The following SLCO4A1 variants were observed in gnomAD, a reference collection of about 807,000 sequenced individuals.
SLCO4A1 encodes the protein solute carrier organic anion transporter family member 4A1.
A neutral mutation model predicts 64.6 loss-of-function variants in SLCO4A1; 51 were observed. The ratio of observed to expected loss-of-function variants is 0.79; its 90% confidence interval spans 0.63 to 1.00. The LOEUF (loss-of-function observed/expected upper bound fraction) is 1.00, where lower values mean the gene tolerates loss of function less well. Ranked by LOEUF, SLCO4A1 falls within the 50% of genes least tolerant of loss-of-function variation. The pLI, the probability that SLCO4A1 is intolerant of heterozygous loss-of-function variation, is 0.00. For synonymous variants in SLCO4A1, 471 were observed against 444.9 expected, an observed-to-expected ratio of 1.06 and a Z score of -0.74; for missense variants, 919 against 980.5, an observed-to-expected ratio of 0.94 and a Z score of 0.84.
At chr20:62,665,372 G>A (rs753344741) in intron 6 of SLCO4A1, 64 of 386,688 alleles carry the variant, frequency 1.7e-4, no homozygotes, top group Middle Eastern at 6.9e-4. Flanking sequence ...CTGTGACTTG[G>A]TGCAGGAAGG....
At chr20:62,655,273 T>C (rs866876226) in intron 1 of SLCO4A1, among the ~76,000 whole-genome samples, 429 of 118,196 alleles carry the variant, frequency 3.6e-3, no homozygotes, top group African/African-American at 0.013. Context: ...ACAGGTGTTC[T>C]GTATCACAGC....
Position 62,664,916 on chromosome 20 carries a change from A to G in SLCO4A1, c.1122-18A>G, listed in dbSNP as rs2277774. ...CTCTGACCCTCAGTCTCTTCTCCAC[A>G]CCCCCACCTCTGCCCAGCTCCATCT... On this transcript the variant is annotated intron_variant, in intron 5 of 11. Coordinates refer to ENST00000217159, the MANE Select transcript of SLCO4A1 (RefSeq NM_016354.4). 27,281 of 1,472,554 alleles carry G rather than the reference A, an allele frequency of 0.019. 740 individuals carry two copies. Among genetic ancestry groups the G allele is most frequent in the East Asian group, 0.052 (2,198 of 42,426 alleles). 91.2% of individuals were successfully genotyped at this position (1,472,554 alleles called of 1,614,324 possible). A position where few individuals can be genotyped will look rare whatever the true frequency, so the allele number is the denominator to read the frequency against.
Position 62,685,571 on chromosome 20 carries a change from G to A in SLCO4A1, n.342G>A. 2.2e-6 allele frequency: 1 copy of A among 459,662 alleles called. No homozygotes were observed. Among genetic ancestry groups the A allele is most frequent in the Non-Finnish European group, 2.9e-6 (1 of 349,416 alleles). 28.5% of individuals were successfully genotyped at this position (459,662 alleles called of 1,614,324 possible). On this transcript the variant is annotated non_coding_transcript_exon_variant, in exon 3 of 3. Transcript: ENST00000466818. This position sits in a 1 kb window ranked among gnomAD's most constrained non-coding sequence, Gnocchi z 4.6. ...CTTTCTGACAACGTCTTCCAGAGCA[G>A]GCTTTCTCTAGAGGGTGGACTGCCT...
At chr20:62,648,383 T>A (rs1380670897) in intron 1 of SLCO4A1, among the ~76,000 whole-genome samples, 1 of 152,194 alleles carries the variant, frequency 6.6e-6, no homozygotes, top group East Asian at 1.9e-4. Context: ...GGTGAGTGGG[T>A]GCCCTGGGGC....
intron 1 of SLCO4A1, among the ~76,000 whole-genome samples, chr20:62,646,119 C>T (rs1331959181): frequency 3.3e-5 from 5 of 152,172 alleles, no homozygotes; most frequent in Non-Finnish European, 7.3e-5. Flanking sequence ...CCCCGAGGGC[C>T]CTTCTGGGTC....
downstream of SLCO4A1, among the ~76,000 whole-genome samples, chr20:62,673,624 G>A (rs140217492): frequency 2.1e-5 from 3 of 144,352 alleles, no homozygotes; most frequent in Non-Finnish European, 3.2e-5. Context: ...CCACCTTCTC[G>A]CCACTCTTCT....
chr20:62,648,207 G>C (rs1457376654), intron 1 of SLCO4A1, among the ~76,000 whole-genome samples: 1 of 152,274 alleles, frequency 6.6e-6, no homozygotes, highest in Non-Finnish European at 1.5e-5. Flanking sequence ...CAGGGACAGG[G>C]CCTGAGGGGG....
intron 1 of SLCO4A1, among the ~76,000 whole-genome samples, 175 bp from the exon 2 acceptor site, chr20:62,656,184 A>G (rs1983679295): frequency 6.6e-6 from 1 of 152,226 alleles, no homozygotes; most frequent in Non-Finnish European, 1.5e-5. Flanking sequence ...TGGCTGGGAG[A>G]CACAGTGCCT....
intron 1 of SLCO4A1, among the ~76,000 whole-genome samples, chr20:62,654,303 G>A (rs931660046): frequency 9.9e-5 from 15 of 152,198 alleles, no homozygotes; most frequent in Non-Finnish European, 1.8e-4. Flanking sequence ...CAGATCACTT[G>A]TCACATCTGC....
intron 2 of SLCO4A1, among the ~76,000 whole-genome samples, chr20:62,680,425 C>T (rs1460421964): frequency 2.0e-5 from 3 of 152,218 alleles, no homozygotes; most frequent in East Asian, 3.8e-4. Context: ...AGAAGGCATC[C>T]TTTACCTGTT....
At chr20:62,689,128 T>A (rs1369738461), downstream of SLCO4A1, among the ~76,000 whole-genome samples, 1 of 152,230 alleles carries the variant, frequency 6.6e-6, no homozygotes, top group Non-Finnish European at 1.5e-5. Flanking sequence ...CATCCCATTT[T>A]TCCCTGGCCT....
At chr20:62,679,054 A>G (rs1165451054) in intron 2 of SLCO4A1, among the ~76,000 whole-genome samples, 2 of 152,182 alleles carry the variant, frequency 1.3e-5, no homozygotes, top group East Asian at 1.9e-4. Context: ...CCCCATCTCT[A>G]CTGAAAATAC....
intron 3 of SLCO4A1, 56 bp downstream of exon 3, chr20:62,658,823 G>C: frequency 2.1e-6 from 3 of 1,442,306 alleles, no homozygotes; most frequent in Middle Eastern, 1.7e-4. Flanking sequence ...GTCTCTGGAA[G>C]GGGGTTCAGA....
chr20:62,666,896 GGTCTCTCGGTGACATAAAAAGT>G (rs1986449661), intron 7 of SLCO4A1, among the ~76,000 whole-genome samples: 1 of 152,212 alleles, frequency 6.6e-6, no homozygotes, highest in Admixed American at 6.5e-5. Flanking sequence ...CCTTGAGGCT[GGTCTCTCGGTGACATAAAAAGT>G]GTCCCAGGAT....
intron 1 of SLCO4A1, among the ~76,000 whole-genome samples, chr20:62,653,525 G>A (rs148584652): frequency 0.011 from 1,634 of 152,334 alleles, 29 homozygotes; most frequent in African/African-American, 0.036. Flanking sequence ...GGCCTGTCCC[G>A]GGGCTGGTTC....
intron 7 of SLCO4A1, chr20:62,666,826 G>C (rs914551971): frequency 1.9e-6 from 1 of 537,708 alleles, no homozygotes; most frequent in Non-Finnish European, 3.4e-6. Context: ...TGCCTCTCTG[G>C]GCCTCAGCAC....
intron 7 of SLCO4A1, chr20:62,666,800 C>T (rs1348572647): frequency 1.4e-5 from 8 of 571,846 alleles, no homozygotes; most frequent in East Asian, 5.8e-5. Flanking sequence ...CCCGGCTGTG[C>T]CCCCGGGCAG....
intron 5 of SLCO4A1, among the ~76,000 whole-genome samples, chr20:62,664,042 C>T (rs565361282): frequency 9.9e-5 from 15 of 152,144 alleles, no homozygotes; most frequent in South Asian, 2.1e-4. Context: ...GCACTGCTGT[C>T]GGCCACCTCC....
chr20:62,685,351 C>T lies in SLCO4A1; in HGVS notation n.212-90C>T. ...GCTGGTCGGTGCCCAAGGGTGGGTT[C>T]GTGGGGCAACTGCACCCGCTCCCTT... On this transcript the variant is annotated intron_variant and non_coding_transcript_variant, in intron 2 of 2. Transcript: ENST00000466818. This position sits in a 1 kb window ranked among gnomAD's most constrained non-coding sequence, Gnocchi z 4.6. 2 of 676,128 alleles carry T rather than the reference C, an allele frequency of 3.0e-6. No homozygotes were observed. The highest frequency in any genetic ancestry group is 1.8e-6 in the Non-Finnish European group (1 of 547,280). The allele number at this position is 676,128 out of a possible 1,614,324, so 41.9% of individuals were successfully genotyped here.
Sources: gnomAD v4.1 joint callset for allele counts (sites outside exome capture counted in the v4.1 genomes callset) on GRCh38, gnomAD v4.1.1 for gene constraint, Gnocchi (gnomAD v3.1) non-coding constraint, MANE v1.5 for transcripts, NCBI Gene and HGNC (gene_info 2026-07-23, HGNC 2026-07-21) for gene names.